RBPMS2: variants seen among roughly 807,000 people sequenced by gnomAD.
RBPMS2 encodes the protein RNA binding protein, mRNA processing factor 2.
In RBPMS2, 14 loss-of-function variants were observed where a neutral mutation model predicts 25.7. The observed-to-expected ratio is 0.55, with a 90% confidence interval of 0.36 to 0.85. RBPMS2 has a LOEUF of 0.85. Ranked by LOEUF, RBPMS2 falls within the 40% of genes least tolerant of loss-of-function variation. The pLI is 0.01. For missense variants in RBPMS2, 252 were observed against 283.4 expected (o/e 0.89, Z 0.80); for synonymous variants, 127 against 115.6 (o/e 1.10, Z -0.63).
intron 1 of RBPMS2, among the ~76,000 whole-genome samples, chr15:64,753,167 C>T (rs777377810): frequency 2.0e-5 from 3 of 152,210 alleles, no homozygotes; most frequent in South Asian, 4.1e-4. Context: ...CGTCCCTACA[C>T]GCTTGACTCC....
intron 6 of RBPMS2, among the ~76,000 whole-genome samples, chr15:64,744,789 GTTTGTTTTGTTTTTTTTTTTTTTTT>G (rs1567062872): frequency 3.2e-5 from 2 of 61,604 alleles, no homozygotes; most frequent in African/African-American, 1.2e-4. Context: ...AGTTTTTTTG[GTTTGTTTTGTTTTTTTTTTTTTTTT>G]TTTTTTTTTT....
At position 64,751,558 on chromosome 15, in the gene RBPMS2, C is replaced by T; in HGVS notation, c.165+3G>A. 6.2e-7 allele frequency: 1 copy of T among 1,613,682 alleles called. No homozygotes were observed. Among genetic ancestry groups the T allele is most frequent in the Non-Finnish European group, 8.5e-7 (1 of 1,179,742 alleles). ...CCCAGGGGGCGGCTGGGTCCTGACT[C>T]ACCTTGAACGGCCGGAAGAGCAAGT... On this transcript the variant is annotated splice_donor_region_variant and intron_variant, in intron 2 of 7. Coordinates refer to ENST00000300069, the MANE Select transcript of RBPMS2 (RefSeq NM_194272.3).
At chr15:64,754,620 A>C (rs193231452) in intron 1 of RBPMS2, among the ~76,000 whole-genome samples, 10 of 151,512 alleles carry the variant, frequency 6.6e-5, no homozygotes, top group Admixed American at 2.6e-4. Flanking sequence ...TCAAAAAAAA[A>C]ACCCAAAACC....
chr15:64,760,159 G>A (rs2083770646), intron 1 of RBPMS2, among the ~76,000 whole-genome samples: 1 of 152,224 alleles, frequency 6.6e-6, no homozygotes, highest in South Asian at 2.1e-4. Context: ...AATAGGGAAT[G>A]GGCTCGTGGG....
chr15:64,745,898 C>T (rs2083614088), intron 6 of RBPMS2, among the ~76,000 whole-genome samples: 1 of 152,176 alleles, frequency 6.6e-6, no homozygotes, highest in African/African-American at 2.4e-5. Context: ...TTGTTCTCAT[C>T]ACCTTGTCCT....
At position 64,739,987 on chromosome 15, in the gene RBPMS2, T is replaced by G. The variant is rs531077990; in HGVS notation, c.*1021A>C. ...CAACAGCCGCCTCATCTCCCAAGTC[T>G]GAAATGGCCAGACGGTCACAGCTGC... On this transcript the variant is annotated 3_prime_UTR_variant, in exon 8 of 8. Coordinates refer to ENST00000300069, the MANE Select transcript of RBPMS2 (RefSeq NM_194272.3). 6.6e-6 allele frequency: 1 copy of G among 152,656 alleles called. No homozygotes were observed. The highest frequency in any genetic ancestry group is 1.5e-5 in the Non-Finnish European group (1 of 68,050). 9.5% of individuals were successfully genotyped at this position (152,656 alleles called of 1,614,324 possible).
At position 64,750,328 on chromosome 15, in the gene RBPMS2, T is replaced by C. The variant is rs758416760; in HGVS notation, c.204+15A>G. The C allele has an allele frequency of 6.2e-6, 10 of 1,611,758 alleles. No homozygotes were observed. The highest frequency in any genetic ancestry group is 1.3e-5 in the African/African-American group (1 of 74,864). On this transcript the variant is annotated intron_variant, in intron 3 of 7. Transcript: ENST00000300069. The stretch of plus-strand genomic sequence containing the variant: ...GTCTGGGCTGGGAGGAAGAAAACCC[T>C]AGGAGAGAAATTACCTGTCTTGCAG...
rs1473776034 is a variant in RBPMS2 at position 64,749,509 on chromosome 15, G to C, written c.205-16C>G. On this transcript the variant is annotated splice_polypyrimidine_tract_variant and intron_variant, in intron 3 of 7. Transcript: ENST00000300069. ...AACCAACAGGCTAGTAGGAAAAAGA[G>C]AGAACACCCTTATATCTCTCCTAGC... 1.2e-6 allele frequency: 2 copies of C among 1,608,256 alleles called. No individual in the cohort carries two copies. The highest frequency in any genetic ancestry group is 1.7e-5 in the Admixed American group (1 of 58,948).
chr15:64,753,414 G>C (rs182952559), intron 1 of RBPMS2, among the ~76,000 whole-genome samples: 358 of 152,200 alleles, frequency 2.4e-3, no homozygotes, highest in African/African-American at 8.3e-3. Context: ...TTTTATCAGT[G>C]GCTTGTCTCA....
At chr15:64,773,901 A>C (rs2083909368) in intron 1 of RBPMS2, among the ~76,000 whole-genome samples, 1 of 152,228 alleles carries the variant, frequency 6.6e-6, no homozygotes, top group African/African-American at 2.4e-5. Flanking sequence ...GCATCAAGGT[A>C]CAAGGAGGGC....
intron 1 of RBPMS2, among the ~76,000 whole-genome samples, chr15:64,752,863 C>T (rs757530264): frequency 2.0e-5 from 3 of 152,160 alleles, no homozygotes; most frequent in Admixed American, 6.5e-5. Context: ...CCGCCCACCT[C>T]GGCCTCCCAA....
chr15:64,753,210 AGCACAG>A (rs2141063286), intron 1 of RBPMS2, among the ~76,000 whole-genome samples: 1 of 152,290 alleles, frequency 6.6e-6, no homozygotes, highest in East Asian at 1.9e-4. Flanking sequence ...TGCGAAGCCA[AGCACAG>A]GTCTTCTGAA....
At chr15:64,773,915 G>T (rs907399166) in intron 1 of RBPMS2, among the ~76,000 whole-genome samples, 6 of 152,330 alleles carry the variant, frequency 3.9e-5, no homozygotes, top group Non-Finnish European at 2.9e-5. Context: ...GGAGGGCAAG[G>T]CCTCTGGAGC....
At chr15:64,742,024 C>T (rs1228132365) in intron 6 of RBPMS2, among the ~76,000 whole-genome samples, 1 of 151,674 alleles carries the variant, frequency 6.6e-6, no homozygotes, top group Non-Finnish European at 1.5e-5. Context: ...ATTAGCCGGG[C>T]GTAGTGGTGC....
At chr15:64,760,179 G>A (rs913670882) in intron 1 of RBPMS2, among the ~76,000 whole-genome samples, 11 of 152,230 alleles carry the variant, frequency 7.2e-5, no homozygotes, top group Admixed American at 3.9e-4. Flanking sequence ...GGGAGAAGGA[G>A]GGGCCAAAGC....
chr15:64,755,087 G>A (rs1369962046), intron 1 of RBPMS2, among the ~76,000 whole-genome samples: 4 of 152,150 alleles, frequency 2.6e-5, no homozygotes, highest in Non-Finnish European at 5.9e-5. Context: ...GACCTCCCCA[G>A]AGGCCTCTTA....
At chr15:64,749,551 CA>C in intron 3 of RBPMS2, 58 bp from the exon 4 acceptor site, 1 of 1,382,664 alleles carries the variant, frequency 7.2e-7, no homozygotes, top group Non-Finnish European at 1.0e-6. Flanking sequence ...CCTCTCCCTC[CA>C]AAATAACAAC....
chr15:64,741,132 G>A, intron 7 of RBPMS2, 41 bp downstream of exon 7: 4 of 1,477,480 alleles, frequency 2.7e-6, no homozygotes, highest in Admixed American at 2.0e-5. Flanking sequence ...GGGAGCCGGA[G>A]TCTAGGACAC....
intron 6 of RBPMS2, among the ~76,000 whole-genome samples, chr15:64,746,665 C>A (rs976105732): frequency 6.6e-6 from 1 of 152,216 alleles, no homozygotes; most frequent in African/African-American, 2.4e-5. Flanking sequence ...AGCAGTGCCA[C>A]CCCCACCTGG....
Sources: gnomAD v4.1 joint callset for allele counts (sites outside exome capture counted in the v4.1 genomes callset) on GRCh38, gnomAD v4.1.1 for gene constraint, MANE v1.5 for transcripts, NCBI Gene and HGNC (gene_info 2026-07-23, HGNC 2026-07-21) for gene names.